Variants in SOS1 observed in about 807,000 individuals in gnomAD.
SOS1 encodes son of sevenless homolog 1.
Under a neutral mutation model 157.6 loss-of-function variants are expected in SOS1, and 25 were observed. That is an observed-to-expected ratio of 0.16 (90% CI 0.12 to 0.22). The LOEUF (loss-of-function observed/expected upper bound fraction) is 0.22. Ranked by LOEUF, SOS1 falls within the 10% of genes least tolerant of loss-of-function variation. The probability of loss-of-function intolerance (pLI) is 1.00; values close to 1 mark genes in which losing one functional copy is unlikely to be tolerated. For missense variants in SOS1, 1,237 were observed against 1,599.1 expected (o/e 0.77, Z 3.86); for synonymous variants, 528 against 534.0 (o/e 0.99, Z 0.16).
At chr2:39,098,282 A>G in intron 1 of SOS1, 1 of 258,724 alleles carries the variant, frequency 3.9e-6, no homozygotes, top group South Asian at 5.2e-5. Flanking sequence ...TTAACTCTCC[A>G]CCCTTTACTT....
intron 20 of SOS1, among the ~76,000 whole-genome samples, chr2:38,994,118 G>A (rs184491065): frequency 1.2e-4 from 19 of 152,224 alleles, no homozygotes; most frequent in Admixed American, 2.6e-4. Flanking sequence ...TAAAATGCAC[G>A]CTGGATTTTA....
At chr2:39,046,863 T>G (rs1025594789) in intron 6 of SOS1, among the ~76,000 whole-genome samples, 1 of 152,220 alleles carries the variant, frequency 6.6e-6, no homozygotes, top group Non-Finnish European at 1.5e-5. Context: ...AGTAAAACTT[T>G]CCTTCTTGCT....
chr2:39,044,864 G>GCGCGCGCACA (rs147443441), intron 6 of SOS1, among the ~76,000 whole-genome samples: 187 of 147,758 alleles, frequency 1.3e-3, no homozygotes, highest in Middle Eastern at 6.9e-3. Context: ...GCGCGCGCGC[G>GCGCGCGCACA]CACACACACA....
intron 2 of SOS1, among the ~76,000 whole-genome samples, chr2:39,062,279 A>G (rs182430848): frequency 8.2e-4 from 125 of 151,894 alleles, no homozygotes; most frequent in African/African-American, 2.5e-3. Flanking sequence ...TTAGCCAAGC[A>G]TGGTGGTGCT....
chr2:39,102,230 A>AAAAG (rs1553370166), intron 1 of SOS1, among the ~76,000 whole-genome samples: 2 of 142,860 alleles, frequency 1.4e-5, no homozygotes, highest in African/African-American at 5.4e-5. Context: ...AAAAAAAAAA[A>AAAAG]GTGCCACTTT....
At chr2:39,110,499 AC>A (rs1673383416) in intron 1 of SOS1, among the ~76,000 whole-genome samples, 1 of 152,142 alleles carries the variant, frequency 6.6e-6, no homozygotes, top group African/African-American at 2.4e-5. Flanking sequence ...TCAACAGGCT[AC>A]TACTCTAGGC....
intron 1 of SOS1, among the ~76,000 whole-genome samples, chr2:39,076,677 C>T (rs1019299190): frequency 4.6e-5 from 7 of 151,878 alleles, no homozygotes; most frequent in Non-Finnish European, 8.8e-5. Context: ...AAGTGTACAA[C>T]AAAAATCATA....
At chr2:39,106,227 C>T (rs1268529759) in intron 1 of SOS1, among the ~76,000 whole-genome samples, 3 of 151,072 alleles carry the variant, frequency 2.0e-5, no homozygotes, top group Non-Finnish European at 4.4e-5. Flanking sequence ...CAGCATGAAG[C>T]ATTAAAGTAG....
chr2:39,012,033 C>G, intron 14 of SOS1, 93 bp downstream of exon 14: 1 of 954,442 alleles, frequency 1.0e-6, no homozygotes, highest in South Asian at 1.3e-5. Context: ...TCAGTTAAGT[C>G]TTATGAAAAC....
chr2:39,023,235 A>T lies in SOS1; in HGVS notation c.1203-10T>A. 6.2e-7 allele frequency: 1 copy of T among 1,605,802 alleles called. No individual in the cohort carries two copies. Among genetic ancestry groups the T allele is most frequent in the South Asian group, 1.1e-5 (1 of 90,852 alleles). ...CCGACATGCAGATTCACTGGAATAA[A>T]GAAAAAGACATTATTAGTACATAGA... On this transcript the variant is annotated splice_polypyrimidine_tract_variant and intron_variant, in intron 9 of 22. Transcript: ENST00000402219.
intron 6 of SOS1, among the ~76,000 whole-genome samples, chr2:39,050,186 A>G (rs1310611591): frequency 1.3e-5 from 2 of 152,244 alleles, no homozygotes; most frequent in Non-Finnish European, 2.9e-5. Flanking sequence ...TCAATGCTGT[A>G]TCATAATGAG....
rs746273555 is a variant in SOS1, at chr2:38,997,080, A to G, written c.2965-42T>C. 2.6e-6 allele frequency: 3 copies of G among 1,149,748 alleles called. No individual in the cohort carries two copies. In the African/African-American group the frequency reaches 4.7e-5, roughly 18 times the overall value. 71.2% of individuals were successfully genotyped at this position (1,149,748 alleles called of 1,614,324 possible). A position where few individuals can be genotyped will look rare whatever the true frequency, so the allele number is the denominator to read the frequency against. ...GAAAAAATTATTAATATTCAAAATT[A>G]TAAATTCAGTTTGAAATTCATGGAA... On this transcript the variant is annotated intron_variant, in intron 18 of 22. Transcript: ENST00000402219.
chr2:39,035,325 G>T lies in SOS1; in HGVS notation c.976-15C>A. On this transcript the variant is annotated splice_polypyrimidine_tract_variant and intron_variant, in intron 7 of 22. Transcript: ENST00000402219. ...TCGCCTATTGACTGGAAAAAAAAGT[G>T]ATTTAATTTTTTTTTTAAGTTTACT... 1 of 1,607,364 alleles carries T rather than the reference G, an allele frequency of 6.2e-7. No individual in the cohort carries two copies. Among genetic ancestry groups the T allele is most frequent in the Non-Finnish European group, 8.5e-7 (1 of 1,174,002 alleles).
rs1673832661 is a variant in SOS1, at chr2:39,120,479, G to A, written c.-57C>T. The A allele has an allele frequency of 3.4e-6, 5 of 1,457,506 alleles. No homozygotes were observed. The highest frequency in any genetic ancestry group is 3.6e-6 in the Non-Finnish European group (4 of 1,102,288). 90.3% of individuals were successfully genotyped at this position (1,457,506 alleles called of 1,614,324 possible). A position where few individuals can be genotyped will look rare whatever the true frequency, so the allele number is the denominator to read the frequency against. ...GGGGCGGCGGCGGCCGGGCCAGGGA[G>A]CCGCGAGAGGGCGAGCTCGCAGCGC... On this transcript the variant is annotated 5_prime_UTR_variant, in exon 1 of 23. Coordinates refer to ENST00000402219, the MANE Select transcript of SOS1 (RefSeq NM_005633.4).
At chr2:38,993,218 G>A (rs1167754780) in intron 20 of SOS1, among the ~76,000 whole-genome samples, 1 of 152,006 alleles carries the variant, frequency 6.6e-6, no homozygotes, top group Admixed American at 6.5e-5. Flanking sequence ...GGAGTGCAGT[G>A]GCATGATCAC....
In SOS1 at chr2:39,047,048, A is replaced by C. The variant is rs895136996; in HGVS notation, c.864+4096T>G. On this transcript the variant is annotated intron_variant, in intron 6 of 22. Coordinates refer to ENST00000402219, the MANE Select transcript of SOS1 (RefSeq NM_005633.4). ...GACTTTTAACATATGTATACAATGC[A>C]TTTCTGTAACCACCACCCAGATAAA... is the stretch of plus-strand genomic sequence containing the variant. 2.0e-5 allele frequency among the ~76,000 whole-genome samples: 3 copies of C among 152,168 alleles called. No homozygotes were observed. The South Asian group carries it at 6.2e-4, about 32-fold the overall frequency.
At chr2:39,045,831 C>T (rs1482096199) in intron 6 of SOS1, among the ~76,000 whole-genome samples, 1 of 152,174 alleles carries the variant, frequency 6.6e-6, no homozygotes, top group African/African-American at 2.4e-5. Context: ...GCCTTAGACT[C>T]CTGTGTATCT....
intron 2 of SOS1, among the ~76,000 whole-genome samples, chr2:39,062,908 T>C (rs1671459275): frequency 6.6e-6 from 1 of 152,150 alleles, no homozygotes; most frequent in Admixed American, 6.5e-5. Context: ...ATTTTTATAC[T>C]ATCTTTTAAT....
chr2:39,027,830 ATT>A (rs375324523), intron 8 of SOS1, among the ~76,000 whole-genome samples: 19 of 142,676 alleles, frequency 1.3e-4, no homozygotes, highest in South Asian at 4.5e-4. Context: ...TCATATTATT[ATT>A]TTTTTTTTTT....
Sources: gnomAD v4.1 joint callset for allele counts (sites outside exome capture counted in the v4.1 genomes callset) on GRCh38, gnomAD v4.1.1 for gene constraint, MANE v1.5 for transcripts, NCBI Gene and HGNC (gene_info 2026-07-23, HGNC 2026-07-21) for gene names.